Variants in PIP5K1B observed in about 807,000 individuals in gnomAD.
PIP5K1B encodes the protein phosphatidylinositol 4-phosphate 5-kinase type-1 beta.
In PIP5K1B, 42 loss-of-function variants were observed where a neutral mutation model predicts 67.0. The observed-to-expected ratio is 0.63, with a 90% CI of 0.49 to 0.81. The LOEUF is 0.81. Ranked by LOEUF, PIP5K1B falls within the 30% of genes least tolerant of loss-of-function variation. PIP5K1B has a pLI of 0.00. For synonymous variants in PIP5K1B, 214 were observed against 231.4 expected, an observed-to-expected ratio of 0.92 and a Z score of 0.68; for missense variants, 459 against 646.3, an observed-to-expected ratio of 0.71 and a Z score of 3.14.
chr9:68,936,450 T>C (rs1469423604), intron 13 of PIP5K1B, among the ~76,000 whole-genome samples: 3 of 152,202 alleles, frequency 2.0e-5, no homozygotes, highest in Non-Finnish European at 4.4e-5. Flanking sequence ...CATTTGTTTT[T>C]TCCCTTCTAA....
chr9:68,758,567 C>T (rs1415723861), intron 2 of PIP5K1B, among the ~76,000 whole-genome samples: 2 of 151,812 alleles, frequency 1.3e-5, no homozygotes, highest in African/African-American at 4.8e-5. Flanking sequence ...ACAATACGAA[C>T]AACAACGAGA....
At chr9:68,769,399 C>T (rs1380171147) in intron 2 of PIP5K1B, among the ~76,000 whole-genome samples, 2 of 152,040 alleles carry the variant, frequency 1.3e-5, no homozygotes, top group Non-Finnish European at 2.9e-5. Context: ...ATCTGATGGT[C>T]AGATCTGTTA....
chr9:68,759,369 ATACTCT>A (rs1196633607), intron 2 of PIP5K1B, among the ~76,000 whole-genome samples: 1 of 152,110 alleles, frequency 6.6e-6, no homozygotes, highest in Non-Finnish European at 1.5e-5. Flanking sequence ...AAGTGGTAAG[ATACTCT>A]TAAGTAGACT....
intron 8 of PIP5K1B, among the ~76,000 whole-genome samples, chr9:68,895,776 G>C (rs1050047775): frequency 6.6e-6 from 1 of 152,124 alleles, no homozygotes; most frequent in African/African-American, 2.4e-5. Context: ...CAGTATGCCA[G>C]GTTAGTCTAA....
At chr9:68,841,162 A>G (rs1206376381) in intron 4 of PIP5K1B, among the ~76,000 whole-genome samples, 1 of 152,252 alleles carries the variant, frequency 6.6e-6, no homozygotes, top group Non-Finnish European at 1.5e-5. Flanking sequence ...CAACTTACAT[A>G]AATAAGAAAT....
At chr9:68,907,167 T>C (rs1365168143) in intron 8 of PIP5K1B, among the ~76,000 whole-genome samples, 1 of 152,208 alleles carries the variant, frequency 6.6e-6, no homozygotes, top group Non-Finnish European at 1.5e-5. Flanking sequence ...ATATTCTGTT[T>C]ATTCAAAGTT....
intron 2 of PIP5K1B, among the ~76,000 whole-genome samples, chr9:68,802,070 T>A (rs1012864591): frequency 5.9e-5 from 9 of 152,240 alleles, no homozygotes; most frequent in African/African-American, 2.2e-4. Flanking sequence ...AGATATGAGT[T>A]GCATTTATAA....
chr9:68,852,878 C>G (rs1822562196), intron 4 of PIP5K1B, among the ~76,000 whole-genome samples: 2 of 151,390 alleles, frequency 1.3e-5, no homozygotes, highest in South Asian at 4.2e-4. Context: ...AAAAAATAAA[C>G]TTCTCTTGAA....
intron 4 of PIP5K1B, among the ~76,000 whole-genome samples, chr9:68,852,688 G>T (rs192894449): frequency 1.6e-4 from 24 of 152,250 alleles, no homozygotes; most frequent in African/African-American, 5.3e-4. Flanking sequence ...TCACTTCCTG[G>T]CAAAGGTAGG....
chr9:68,740,436 T>C (rs1470709026), intron 1 of PIP5K1B, among the ~76,000 whole-genome samples: 1 of 152,240 alleles, frequency 6.6e-6, no homozygotes, highest in Non-Finnish European at 1.5e-5. Context: ...TAAGTGGCTG[T>C]TACATGTGTA....
intron 15 of PIP5K1B, among the ~76,000 whole-genome samples, chr9:68,992,699 G>C (rs1046585481): frequency 6.6e-6 from 1 of 151,620 alleles, no homozygotes; most frequent in Non-Finnish European, 1.5e-5. Flanking sequence ...AATTAGGCAG[G>C]CATGGTGGTG....
intron 1 of PIP5K1B, among the ~76,000 whole-genome samples, chr9:68,734,786 T>G (rs1828642488): frequency 6.6e-6 from 1 of 152,140 alleles, no homozygotes; most frequent in Non-Finnish European, 1.5e-5. Context: ...GAACATTTGG[T>G]GAGGTTAAAA....
At chr9:68,934,799 G>A in intron 12 of PIP5K1B, 91 bp from the exon 13 acceptor site, 1 of 900,500 alleles carries the variant, frequency 1.1e-6, no homozygotes, top group East Asian at 3.0e-5. Context: ...TAACTAAAAT[G>A]TTAATAAATA....
intron 2 of PIP5K1B, among the ~76,000 whole-genome samples, chr9:68,750,084 C>T (rs765467789): frequency 3.3e-5 from 5 of 152,218 alleles, no homozygotes; most frequent in African/African-American, 4.8e-5. Flanking sequence ...CAGAACAGTG[C>T]CTGGCAAATT....
chr9:69,006,762 T>G (rs1831103509), intron 15 of PIP5K1B, among the ~76,000 whole-genome samples: 1 of 152,222 alleles, frequency 6.6e-6, no homozygotes, highest in African/African-American at 2.4e-5. Flanking sequence ...TCCAGTGTGA[T>G]CTATAGAACG....
intron 2 of PIP5K1B, among the ~76,000 whole-genome samples, chr9:68,774,888 C>T (rs2132434049): frequency 6.6e-6 from 1 of 152,340 alleles, no homozygotes; most frequent in Non-Finnish European, 1.5e-5. Context: ...CAACTGAAGT[C>T]TCACTCAGAT....
intron 14 of PIP5K1B, among the ~76,000 whole-genome samples, chr9:68,972,188 T>A (rs554281412): frequency 1.5e-4 from 23 of 152,324 alleles, no homozygotes; most frequent in African/African-American, 5.5e-4. Context: ...GGGGTCCAGT[T>A]TCAGTTTTCT....
intron 4 of PIP5K1B, among the ~76,000 whole-genome samples, chr9:68,830,397 G>A (rs989845822): frequency 1.3e-5 from 2 of 151,028 alleles, no homozygotes; most frequent in Non-Finnish European, 2.9e-5. Flanking sequence ...AGATAATTAA[G>A]CAAAAAGAAT....
Position 68,876,732 on chromosome 9 carries a change from T to G in PIP5K1B, c.256T>G (p.Tyr86Asp). The change falls in exon 6 of 16, where the codon TAC (tyrosine) becomes GAC (aspartate). Residue 86 changes from tyrosine to aspartate, a missense_variant. Physicochemically the swap from Tyr to Asp is radical, Grantham distance 160. Coordinates refer to ENST00000265382, the MANE Select transcript of PIP5K1B (RefSeq NM_003558.4). ...HHYPDFRFKT[Y>D]APLAFRYFRE... ...CTACCCAGACTTTAGATTTAAGACA[T>G]ACGCTCCATTAGCATTCCGATATTT... The G allele has an allele frequency of 6.2e-7, 1 of 1,611,732 alleles. No homozygotes were observed. The highest frequency in any genetic ancestry group is 1.1e-5 in the South Asian group (1 of 91,040).
Sources: allele counts gnomAD v4.1 joint callset (sites outside exome capture counted in the v4.1 genomes callset), GRCh38; gene constraint gnomAD v4.1.1; transcripts MANE v1.5; gene names NCBI Gene and HGNC (gene_info 2026-07-23, HGNC 2026-07-21).